Variants in POMT2 observed in about 807,000 individuals in gnomAD.
POMT2 encodes the protein protein O-mannosyl-transferase 2.
In POMT2, 75 loss-of-function variants were observed where a neutral mutation model predicts 100.0. The ratio of observed to expected loss-of-function variants is 0.75; its 90% CI spans 0.62 to 0.91. The LOEUF is 0.91. POMT2 is among the 40% of genes least tolerant of loss of function. The pLI, the probability that POMT2 is intolerant of heterozygous loss-of-function variation, is 0.00. For missense variants in POMT2, 940 were observed against 955.1 expected (o/e 0.98, Z 0.21); for synonymous variants, 378 against 374.1 (o/e 1.01, Z -0.12).
rs1302852729 is a variant in POMT2, at chr14:77,275,922, C to T, written c.*1454G>A. On this transcript the variant is annotated 3_prime_UTR_variant, in exon 21 of 21. Transcript: ENST00000261534. ...CCTCCCCACCACCCAGTAGGTAGCACAGCCTGTCCCTGGGACCAATATCCA... is the reference window on the plus strand; with the variant it reads ...CCTCCCCACCACCCAGTAGGTAGCATAGCCTGTCCCTGGGACCAATATCCA... The T allele has an allele frequency of 4.6e-5, 7 of 152,766 alleles. No individual in the cohort carries two copies. The highest frequency in any genetic ancestry group is 1.7e-4 in the African/African-American group (7 of 41,584). The allele number at this position is 152,766 out of a possible 1,614,324, so 9.5% of individuals were successfully genotyped here.
chr14:77,298,467 G>A (rs1890908987), intron 8 of POMT2, among the ~76,000 whole-genome samples: 1 of 152,216 alleles, frequency 6.6e-6, no homozygotes, highest in African/African-American at 2.4e-5. Context: ...GAGCCACCAA[G>A]GAGAAGTCAT....
chr14:77,306,656 A>G, intron 2 of POMT2: 1 of 488,962 alleles, frequency 2.0e-6, no homozygotes, highest in South Asian at 2.0e-5. Flanking sequence ...CCTCTCTTGT[A>G]TTATGGCCGA....
chr14:77,298,355 C>G (rs562370313), intron 8 of POMT2, among the ~76,000 whole-genome samples: 1 of 152,346 alleles, frequency 6.6e-6, no homozygotes, highest in South Asian at 2.1e-4. Context: ...TGAACGAATG[C>G]AACACTCAGA....
chr14:77,298,840 G>T, intron 7 of POMT2, 69 bp from the exon 8 acceptor site: 1 of 1,391,818 alleles, frequency 7.2e-7, no homozygotes, highest in Non-Finnish European at 1.0e-6. Context: ...CAGGAGCGCT[G>T]GGAAGAGCTC....
Position 77,317,487 on chromosome 14 carries a change from T to G in POMT2, c.248+2947A>C, listed in dbSNP as rs1341303483. 2.0e-5 allele frequency among the ~76,000 whole-genome samples: 3 copies of G among 152,228 alleles called. No individual in the cohort carries two copies. The East Asian group carries it at 5.8e-4, about 29-fold the overall frequency. ...GTGTCAACAGTCAATAGCCAAGGTA[T>G]TCGATGGACCTCCCACACTCCCTAC... On this transcript the variant is annotated intron_variant, in intron 1 of 20. Transcript: ENST00000261534.
At chr14:77,285,379 C>G (rs944062797) in intron 13 of POMT2, 102 bp downstream of exon 13, 10 of 1,479,220 alleles carry the variant, frequency 6.8e-6, no homozygotes, top group Non-Finnish European at 9.4e-6. Flanking sequence ...AACAAGCAGA[C>G]AGCAGGTGAA....
rs58212324 is a variant in POMT2, at chr14:77,285,345, A to G, written c.1484+136T>C. 52,843 of 1,189,110 alleles carry G rather than the reference A, an allele frequency of 0.044. 1,484 individuals are homozygous for G. The highest frequency in any genetic ancestry group is 0.12 in the African/African-American group (7,466 of 64,876). 73.7% of individuals were successfully genotyped at this position (1,189,110 alleles called of 1,614,324 possible). A position where few individuals can be genotyped will look rare whatever the true frequency, so the allele number is the denominator to read the frequency against. On this transcript the variant is annotated intron_variant, in intron 13 of 20. Transcript: ENST00000261534. Reference sequence around the variant, plus strand: ...GTGCTCCATAATACACCTGATATCTACTCTCCCTCCATCTGCCACTAAGAA... The same window carrying G: ...GTGCTCCATAATACACCTGATATCTGCTCTCCCTCCATCTGCCACTAAGAA...
intron 18 of POMT2, chr14:77,279,409 A>C (rs1890117605): frequency 2.5e-6 from 1 of 403,120 alleles, no homozygotes; most frequent in Non-Finnish European, 4.8e-6. Flanking sequence ...TCTCTAGCCC[A>C]TGAGAGGACA....
At position 77,299,488 on chromosome 14, in the gene POMT2, G is replaced by A. The variant is rs775548781; in HGVS notation, c.890C>T (p.Thr297Ile). 8 of 1,614,006 alleles carry A rather than the reference G, an allele frequency of 5.0e-6. No homozygotes were observed. In the East Asian group the frequency reaches 1.8e-4, roughly 36 times the overall value. Residue 297 changes from threonine to isoleucine, a missense_variant, in exon 7 of 21, where the codon ACC becomes ATC. Physicochemically the swap from Thr to Ile is moderately conservative, Grantham distance 89 (BLOSUM62 -1). Coordinates refer to ENST00000261534, the MANE Select transcript of POMT2 (RefSeq NM_013382.7). ...IVLPLALYTATFAVHFMVLSK... is the reference protein window; with the variant it reads ...IVLPLALYTAIFAVHFMVLSK... ...CAGCACCATGAAGTGAACAGCAAAG[G>A]TGGCTGTATAGAGAGCCAGGGGCAG...
intron 13 of POMT2, 170 bp downstream of exon 13, chr14:77,285,311 C>G: frequency 1.1e-6 from 1 of 899,032 alleles, no homozygotes. Context: ...GAAGCTCCCC[C>G]GGAGTTCTGT....
intron 11 of POMT2, among the ~76,000 whole-genome samples, chr14:77,288,340 C>CA (rs897952968): frequency 1.6e-4 from 24 of 152,320 alleles, no homozygotes; most frequent in African/African-American, 5.5e-4. Flanking sequence ...TTCTCAGAAA[C>CA]AGACTCCTAC....
At chr14:77,287,103 C>T (rs1290214115) in intron 11 of POMT2, 7 of 447,514 alleles carry the variant, frequency 1.6e-5, no homozygotes, top group Admixed American at 3.5e-5. Flanking sequence ...AGGTGGGGGG[C>T]GACTTTCACA....
chr14:77,299,629 G>A (rs1890950056), intron 6 of POMT2, 68 bp from the exon 7 acceptor site: 2 of 1,133,884 alleles, frequency 1.8e-6, no homozygotes, highest in Non-Finnish European at 2.7e-6. Flanking sequence ...CACTATGCAT[G>A]CATTATATAT....
chr14:77,307,497 C>CA (rs1375218716), intron 2 of POMT2, among the ~76,000 whole-genome samples: 1 of 152,190 alleles, frequency 6.6e-6, no homozygotes, highest in Non-Finnish European at 1.5e-5. Flanking sequence ...CAGGGTCATC[C>CA]AAATAGCTAG....
At chr14:77,291,729 A>G (rs1890647496) in intron 9 of POMT2, among the ~76,000 whole-genome samples, 2 of 152,214 alleles carry the variant, frequency 1.3e-5, no homozygotes. Context: ...TGAGGATTTA[A>G]GTGCATTTTC....
chr14:77,311,815 C>T lies in POMT2; in HGVS notation c.333+134G>A, dbSNP rs1040778094. ...GAGATTTTCCATGAAAGTAGCTGGT[C>T]TGAAATGTCAGAAAATTCTTTCTAC... On this transcript the variant is annotated intron_variant, in intron 2 of 20. Transcript: ENST00000261534. 34 of 1,418,728 alleles carry T rather than the reference C, an allele frequency of 2.4e-5. No individual in the cohort carries two copies. The African/African-American group carries it at 4.4e-4, about 18-fold the overall frequency. 87.9% of individuals were successfully genotyped at this position (1,418,728 alleles called of 1,614,324 possible).
chr14:77,299,544 G>C lies in POMT2; in HGVS notation c.834C>G (p.His278Gln). The part of the protein sequence containing the change: ...LSLSLVTVGK[H>Q]LTARVLCLIV... ...TGAGGCACAGGACACGAGCAGTCAGGTGTTTTCCCACAGTCACCTGCAAAC... is the reference window on the plus strand; with the variant it reads ...TGAGGCACAGGACACGAGCAGTCAGCTGTTTTCCCACAGTCACCTGCAAAC... Residue 278 changes from histidine to glutamine, a missense_variant, in exon 7 of 21, where the codon CAC becomes CAG. By Grantham distance (24) the His-to-Gln change is conservative. Coordinates refer to ENST00000261534, the MANE Select transcript of POMT2 (RefSeq NM_013382.7). 1 of 1,614,160 alleles carries C rather than the reference G, an allele frequency of 6.2e-7. No homozygotes were observed. The highest frequency in any genetic ancestry group is 8.5e-7 in the Non-Finnish European group (1 of 1,180,004).
chr14:77,305,563 T>C (rs995234942), intron 3 of POMT2, among the ~76,000 whole-genome samples: 2 of 152,220 alleles, frequency 1.3e-5, no homozygotes, highest in African/African-American at 4.8e-5. Context: ...TACCACGATA[T>C]AGCCATGCAA....
At chr14:77,316,791 A>G (rs2363641) in intron 1 of POMT2, among the ~76,000 whole-genome samples, 50,276 of 152,000 alleles carry the variant, frequency 0.33, 8,495 homozygotes, top group East Asian at 0.44. Context: ...TTGCCCACCA[A>G]GCAGCAGCAG....
Sources: gnomAD v4.1 joint callset for allele counts (sites outside exome capture counted in the v4.1 genomes callset) on GRCh38, gnomAD v4.1.1 for gene constraint, MANE v1.5 for transcripts, NCBI Gene and HGNC (gene_info 2026-07-23, HGNC 2026-07-21) for gene names.